The following ATP2A2 variants were observed in gnomAD, a reference collection of about 807,000 sequenced individuals.
The protein encoded by ATP2A2 is ATPase sarcoplasmic/endoplasmic reticulum Ca2+ transporting 2.
ATP2A2 carries 14 observed loss-of-function variants against 109.3 expected under a neutral mutation model. The ratio of observed to expected loss-of-function variants is 0.13; its 90% CI spans 0.08 to 0.20. The LOEUF (loss-of-function observed/expected upper bound fraction) is 0.20, where lower values mean the gene tolerates loss of function less well. Among genes scored for constraint, ATP2A2 ranks in the 10% least tolerant of loss-of-function variants. The probability of loss-of-function intolerance (pLI) is 1.00; values close to 1 mark genes in which losing one functional copy is unlikely to be tolerated. For missense variants in ATP2A2, 657 were observed against 1,321.6 expected, an observed-to-expected ratio of 0.50 and a Z score of 7.80; for synonymous variants, 506 against 490.9, an observed-to-expected ratio of 1.03 and a Z score of -0.41.
intron 5 of ATP2A2, among the ~76,000 whole-genome samples, chr12:110,300,184 CTT>C (rs1193882539): frequency 0.029 from 2,146 of 74,272 alleles, 153 homozygotes; most frequent in African/African-American, 0.13. Context: ...CTCGCTCTCT[CTT>C]TTTTTTTTTT....
intron 5 of ATP2A2, among the ~76,000 whole-genome samples, chr12:110,303,399 C>A (rs1388825010): frequency 6.6e-6 from 1 of 151,196 alleles, no homozygotes; most frequent in African/African-American, 2.4e-5. Flanking sequence ...GGCTTGCTTG[C>A]TTTTTTGTTT....
At chr12:110,285,344 C>A (rs951212805) in intron 3 of ATP2A2, among the ~76,000 whole-genome samples, 1 of 151,978 alleles carries the variant, frequency 6.6e-6, no homozygotes, top group African/African-American at 2.4e-5. Context: ...CACTGAAGAC[C>A]CCCCCTCTAT....
chr12:110,282,202 T>C (rs1195989064), intron 1 of ATP2A2, among the ~76,000 whole-genome samples: 1 of 152,170 alleles, frequency 6.6e-6, no homozygotes, highest in African/African-American at 2.4e-5. Context: ...TGCAGCTAGG[T>C]TGAGCCCGGC....
At chr12:110,331,445 C>T (rs896172574) in intron 8 of ATP2A2, 1 of 152,082 alleles carries the variant, frequency 6.6e-6, no homozygotes, top group African/African-American at 2.4e-5. Flanking sequence ...GGTTCAAGCA[C>T]TTCTCTCCCT....
Position 110,346,647 on chromosome 12 carries a change from T to A in ATP2A2, c.*177T>A, listed in dbSNP as rs1879893426. The A allele has an allele frequency of 2.7e-6, 4 of 1,462,056 alleles. No individual in the cohort carries two copies. Among genetic ancestry groups the A allele is most frequent in the Non-Finnish European group, 2.7e-6 (3 of 1,117,188 alleles). The allele number at this position is 1,462,056 out of a possible 1,614,324, so 90.6% of individuals were successfully genotyped here. A position where few individuals can be genotyped will look rare whatever the true frequency, so the allele number is the denominator to read the frequency against. ...CCAGTGGGGCAAGATTTTCCTTTTT[T>A]ATACACATAATTAAAGTGTCCATTG... is the stretch of plus-strand genomic sequence containing the variant. On this transcript the variant is annotated 3_prime_UTR_variant, in exon 20 of 20. Coordinates refer to ENST00000539276, the MANE Select transcript of ATP2A2 (RefSeq NM_170665.4).
At chr12:110,303,091 T>C (rs1874856224) in intron 5 of ATP2A2, among the ~76,000 whole-genome samples, 1 of 152,246 alleles carries the variant, frequency 6.6e-6, no homozygotes, top group African/African-American at 2.4e-5. Flanking sequence ...AACTGTCATA[T>C]TGACTGTTGT....
intron 5 of ATP2A2, among the ~76,000 whole-genome samples, chr12:110,314,121 G>A (rs960648737): frequency 2.0e-5 from 3 of 151,916 alleles, no homozygotes; most frequent in African/African-American, 7.2e-5. Flanking sequence ...CTGAGGTCAG[G>A]AGTTCGAGAC....
In ATP2A2 at chr12:110,349,802, C is replaced by T; in HGVS notation, c.*3332C>T. On this transcript the variant is annotated 3_prime_UTR_variant, in exon 20 of 20. Transcript: ENST00000539276. ...CGCTGCAGTTAGCAAGAAGGGTAGG[C>T]TTCACCCTCCTTTACTGAGGAGAAT... The T allele has an allele frequency of 2.9e-6, 3 of 1,023,838 alleles. No homozygotes were observed. The highest frequency in any genetic ancestry group is 3.5e-6 in the Non-Finnish European group (3 of 852,336). 63.4% of individuals were successfully genotyped at this position (1,023,838 alleles called of 1,614,324 possible).
chr12:110,287,018 C>G (rs1405014195), intron 3 of ATP2A2, among the ~76,000 whole-genome samples: 1 of 151,984 alleles, frequency 6.6e-6, no homozygotes, highest in African/African-American at 2.4e-5. Context: ...TTTGAGAGGC[C>G]GAGGTGGGTG....
Position 110,327,612 on chromosome 12 carries a change from C to G in ATP2A2, c.690C>G (p.Thr230=), listed in dbSNP as rs143310856. The change falls in exon 8 of 20, where the codon ACC becomes ACG. Residue 230 remains threonine, a synonymous_variant. Coordinates refer to ENST00000539276, the MANE Select transcript of ATP2A2 (RefSeq NM_170665.4). The surrounding 1 kb of genome is among the most constrained non-coding windows in gnomAD (Gnocchi z 4.4). ...TGGTGGTAGCAACTGGAGTTAACAC[C>G]GAAATTGGCAAGATCCGGGATGAAA... ...MGVVVATGVN[T]EIGKIRDEMV... is the part of the protein sequence containing the mutation. 4 of 1,613,894 alleles carry G rather than the reference C, an allele frequency of 2.5e-6. No homozygotes were observed. The African/African-American group carries it at 4.0e-5, about 16-fold the overall frequency.
intron 5 of ATP2A2, among the ~76,000 whole-genome samples, chr12:110,311,608 A>C (rs866137229): frequency 1.1e-4 from 16 of 149,908 alleles, no homozygotes; most frequent in East Asian, 1.9e-4. Flanking sequence ...AAAAAAAAAA[A>C]AAAAAAAAAA....
At position 110,346,529 on chromosome 12, in the gene ATP2A2, A is replaced by C. The variant is rs1435764233; in HGVS notation, c.*59A>C. On this transcript the variant is annotated 3_prime_UTR_variant, in exon 20 of 20. Coordinates refer to ENST00000539276, the MANE Select transcript of ATP2A2 (RefSeq NM_170665.4). ...AATCAATTAATTTTTTTATTGTTTA[A>C]AGCAACTGTCTATTTCTGCTGAATT... 1 of 1,603,040 alleles carries C rather than the reference A, an allele frequency of 6.2e-7. No individual in the cohort carries two copies. Among genetic ancestry groups the C allele is most frequent in the Non-Finnish European group, 8.5e-7 (1 of 1,175,572 alleles).
Position 110,345,326 on chromosome 12 carries a change from G to A in ATP2A2, c.2685G>A (p.Pro895=), listed in dbSNP as rs749712034. 5.8e-5 allele frequency: 94 copies of A among 1,614,176 alleles called. No homozygotes were observed. The highest frequency in any genetic ancestry group is 7.0e-5 in the Non-Finnish European group (83 of 1,180,024). The change falls in exon 18 of 20, where the codon CCG becomes CCA. Residue 895 remains proline, a synonymous_variant. Coordinates refer to ENST00000539276, the MANE Select transcript of ATP2A2 (RefSeq NM_170665.4). ...VDCAIFESPY[P]MTMALSVLVT... is the part of the protein sequence containing the mutation. Reference sequence around the variant, plus strand: ...GTGCAATCTTTGAATCCCCATACCCGATGACAATGGCGCTCTCTGTTCTAG... The same window carrying A: ...GTGCAATCTTTGAATCCCCATACCCAATGACAATGGCGCTCTCTGTTCTAG...
intron 4 of ATP2A2, among the ~76,000 whole-genome samples, 191 bp downstream of exon 4, chr12:110,292,315 G>A (rs1407791509): frequency 6.6e-6 from 1 of 152,110 alleles, no homozygotes; most frequent in Non-Finnish European, 1.5e-5. Context: ...TGCCCAGGCT[G>A]GAGTGCAATG....
At chr12:110,306,612 G>C (rs1319442054) in intron 5 of ATP2A2, among the ~76,000 whole-genome samples, 1 of 152,176 alleles carries the variant, frequency 6.6e-6, no homozygotes, top group African/African-American at 2.4e-5. Context: ...AGAACAGACA[G>C]TATTTGGTTT....
At chr12:110,310,087 G>GGGT (rs1875851191) in intron 5 of ATP2A2, among the ~76,000 whole-genome samples, 1 of 151,880 alleles carries the variant, frequency 6.6e-6, no homozygotes, top group African/African-American at 2.4e-5. Context: ...TGTATTATCT[G>GGGT]CTGACATGAA....
At chr12:110,291,820 G>C (rs1873343257) in intron 3 of ATP2A2, among the ~76,000 whole-genome samples, 200 bp from the exon 4 acceptor site, 1 of 151,580 alleles carries the variant, frequency 6.6e-6, no homozygotes, top group African/African-American at 2.4e-5. Context: ...CTAATTTTTT[G>C]TATTTTTAGT....
Position 110,319,367 on chromosome 12 carries a change from A to G in ATP2A2, c.464-3625A>G, listed in dbSNP as rs3026464. 2.1e-4 allele frequency among the ~76,000 whole-genome samples: 32 copies of G among 151,922 alleles called. No individual in the cohort carries two copies. The East Asian group carries it at 6.0e-3, about 28-fold the overall frequency. Reference sequence around the variant, plus strand: ...TTAATTGCCACTTGATTAGAATGGAAGTTGTAAGATGGAAACATTTAGAAC... The same window carrying G: ...TTAATTGCCACTTGATTAGAATGGAGGTTGTAAGATGGAAACATTTAGAAC... On this transcript the variant is annotated intron_variant, in intron 5 of 19. Transcript: ENST00000539276.
chr12:110,304,862 A>G (rs914608836), intron 5 of ATP2A2, among the ~76,000 whole-genome samples: 1 of 152,186 alleles, frequency 6.6e-6, no homozygotes, highest in Admixed American at 6.5e-5. Flanking sequence ...GCCAGTATAT[A>G]TGATCCAGGC....
Sources: gnomAD v4.1 joint callset for allele counts (sites outside exome capture counted in the v4.1 genomes callset) on GRCh38, gnomAD v4.1.1 for gene constraint, Gnocchi (gnomAD v3.1) non-coding constraint, MANE v1.5 for transcripts, NCBI Gene and HGNC (gene_info 2026-07-23, HGNC 2026-07-21) for gene names.